PHIP: variants seen among roughly 807,000 people sequenced by gnomAD.
The protein encoded by PHIP is PH-interacting protein.
In PHIP, 54 loss-of-function variants were observed where a neutral mutation model predicts 236.8. That is an observed-to-expected ratio of 0.23 (90% CI 0.18 to 0.29). The LOEUF is 0.29. Ranked by LOEUF, PHIP falls within the 10% of genes least tolerant of loss-of-function variation. The pLI, the probability that PHIP is intolerant of heterozygous loss-of-function variation, is 1.00. For missense variants in PHIP, 1,370 were observed against 2,190.8 expected (o/e 0.63, Z 7.48); for synonymous variants, 756 against 718.9 (o/e 1.05, Z -0.83).
intron 10 of PHIP, 25 bp from the exon 11 acceptor site, chr6:79,017,608 A>T: frequency 6.6e-7 from 1 of 1,511,564 alleles, no homozygotes; most frequent in Non-Finnish European, 9.2e-7. Context: ...AGCAATTGTT[A>T]AGAAGTAAAA....
At position 78,963,238 on chromosome 6, in the gene PHIP, C is replaced by T. The variant is rs756993002; in HGVS notation, c.3394G>A (p.Glu1132Lys). ...GTTAAAGGAACACTGGTACCTAGTT[C>T]TTCAGGAAATACAGCTGAAATAGAA... ...LIPNNAVFPE[E>K]LGTSVPLTDG... is the part of the protein sequence containing the mutation. Residue 1132 changes from glutamate (E) to lysine (K), a missense_variant, in exon 30 of 40, where the codon GAA becomes AAA. Glu to Lys is a moderately conservative substitution (Grantham distance 56). Around this residue, in one of 14 missense-constraint regions of PHIP, gnomAD observed 238 missense variants for 398.5 expected, o/e 0.60. Transcript: ENST00000275034. 6.2e-7 allele frequency: 1 copy of T among 1,602,178 alleles called. No individual in the cohort carries two copies.
chr6:79,061,601 A>T (rs1439712098), intron 4 of PHIP, among the ~76,000 whole-genome samples: 2 of 152,152 alleles, frequency 1.3e-5, no homozygotes, highest in Non-Finnish European at 2.9e-5. Context: ...TTATTATAAA[A>T]ATGTTACTTA....
At position 79,025,464 on chromosome 6, in the gene PHIP, A is replaced by C. The variant is rs1034365443; in HGVS notation, c.923+55T>G. 55 of 1,026,388 alleles carry C rather than the reference A, an allele frequency of 5.4e-5. No homozygotes were observed. The Admixed American group carries it at 7.8e-4, about 15-fold the overall frequency. 63.6% of individuals were successfully genotyped at this position (1,026,388 alleles called of 1,614,324 possible). Reference sequence around the variant, plus strand: ...ATTGTCGACTACTTTATACTTTTGCAATTTCACTCATTAAACTAAACACAT... The same window carrying C: ...ATTGTCGACTACTTTATACTTTTGCCATTTCACTCATTAAACTAAACACAT... On this transcript the variant is annotated intron_variant, in intron 9 of 39. Coordinates refer to ENST00000275034, the MANE Select transcript of PHIP (RefSeq NM_017934.7).
intron 35 of PHIP, among the ~76,000 whole-genome samples, chr6:78,953,114 G>A (rs1026959298): frequency 6.6e-6 from 1 of 151,750 alleles, no homozygotes; most frequent in Non-Finnish European, 1.5e-5. Context: ...CTACACAAGG[G>A]TGGTGCAAAT....
rs113171731 is a variant in PHIP at position 79,060,963 on chromosome 6, A to G, written c.190-145T>C. 7.6e-4 allele frequency: 403 copies of G among 529,146 alleles called. 2 individuals are homozygous for G. The highest frequency in any genetic ancestry group is 6.9e-3 in the African/African-American group (352 of 51,066). 32.8% of individuals were successfully genotyped at this position (529,146 alleles called of 1,614,324 possible). A position where few individuals can be genotyped will look rare whatever the true frequency, so the allele number is the denominator to read the frequency against. ...AAAGTAAATCTCCAGAATAATTAAG[A>G]ATTAAGAACTGATAGTTTGTTATTA... On this transcript the variant is annotated intron_variant, in intron 4 of 39. Transcript: ENST00000275034.
intron 23 of PHIP, among the ~76,000 whole-genome samples, chr6:78,982,426 C>T (rs543124821): frequency 1.1e-4 from 17 of 152,172 alleles, no homozygotes; most frequent in African/African-American, 4.1e-4. Flanking sequence ...TCTTACCCCA[C>T]TTTATTCGCC....
intron 6 of PHIP, among the ~76,000 whole-genome samples, chr6:79,048,232 C>A (rs1772601527): frequency 6.6e-6 from 1 of 152,014 alleles, no homozygotes; most frequent in Non-Finnish European, 1.5e-5. Flanking sequence ...AAACTGACAT[C>A]TTTCTATCTA....
intron 6 of PHIP, among the ~76,000 whole-genome samples, chr6:79,055,209 T>C (rs562666667): frequency 6.6e-6 from 1 of 152,246 alleles, no homozygotes; most frequent in Non-Finnish European, 1.5e-5. Flanking sequence ...TTTGCTAACA[T>C]GTCAAATGTA....
intron 7 of PHIP, among the ~76,000 whole-genome samples, chr6:79,035,521 T>C (rs1771887491): frequency 6.6e-6 from 1 of 152,154 alleles, no homozygotes; most frequent in Non-Finnish European, 1.5e-5. Context: ...TAAAAGAAAT[T>C]ATGTGATTTT....
Position 79,015,905 on chromosome 6 carries a change from G to A in PHIP, c.1236-122C>T, listed in dbSNP as rs191987782. The A allele has an allele frequency of 4.2e-4, 266 of 629,244 alleles. No individual in the cohort carries two copies. The African/African-American group carries it at 4.6e-3, about 11-fold the overall frequency. 39.0% of individuals were successfully genotyped at this position (629,244 alleles called of 1,614,324 possible). On this transcript the variant is annotated intron_variant, in intron 13 of 39. Transcript: ENST00000275034. ...TAATAACTATCACTTAACAGTAACT[G>A]AGAAGTTTGAATCAACATGGAATGA...
At chr6:78,955,863 T>C in intron 32 of PHIP, 181 bp from the exon 33 acceptor site, 1 of 348,528 alleles carries the variant, frequency 2.9e-6, no homozygotes, top group East Asian at 4.4e-5. Flanking sequence ...CCACTCTATG[T>C]AGAGCTTTCA....
intron 7 of PHIP, among the ~76,000 whole-genome samples, chr6:79,038,020 C>CT (rs1772026738): frequency 6.6e-6 from 1 of 152,220 alleles, no homozygotes. Flanking sequence ...ACTATCATAT[C>CT]TTTTAATTGT....
intron 32 of PHIP, chr6:78,958,032 C>T (rs149846832): frequency 6.5e-6 from 1 of 154,386 alleles, no homozygotes; most frequent in South Asian, 2.0e-4. Context: ...ACCGTGCAAC[C>T]TTATACATGT....
chr6:78,963,594 G>A (rs1434422494), intron 29 of PHIP, among the ~76,000 whole-genome samples: 6 of 152,058 alleles, frequency 3.9e-5, no homozygotes, highest in Non-Finnish European at 7.4e-5. Flanking sequence ...CTTTGATAAA[G>A]TATACACAAG....
At chr6:79,012,154 T>C (rs1328266056) in intron 15 of PHIP, among the ~76,000 whole-genome samples, 1 of 151,566 alleles carries the variant, frequency 6.6e-6, no homozygotes, top group Non-Finnish European at 1.5e-5. Context: ...AAATACTAAA[T>C]TATATGTTAC....
At chr6:78,985,264 G>A (rs1297351737) in intron 22 of PHIP, 88 bp downstream of exon 22, 5 of 745,074 alleles carry the variant, frequency 6.7e-6, no homozygotes, top group Non-Finnish European at 1.2e-5. Flanking sequence ...AACTTACAGA[G>A]ACTTTGAAAC....
chr6:78,983,186 AAAAG>A (rs1170789815), intron 22 of PHIP, 69 bp from the exon 23 acceptor site: 13 of 786,500 alleles, frequency 1.7e-5, no homozygotes, highest in Non-Finnish European at 2.6e-5. Flanking sequence ...TATAAAAACG[AAAAG>A]AAAGATTATA....
Position 78,935,837 on chromosome 6 carries a change from G to C in PHIP, c.*4856C>G. On this transcript the variant is annotated 3_prime_UTR_variant, in exon 40 of 40. Transcript: ENST00000275034. ...ATGTGATGCCAAAAAACTTTAAAAA[G>C]CAAATAATAAATCATGAGGCTCTAC... 1.5e-6 allele frequency: 1 copy of C among 682,986 alleles called. No individual in the cohort carries two copies. Among genetic ancestry groups the C allele is most frequent in the Non-Finnish European group, 1.8e-6 (1 of 554,040 alleles). 42.3% of individuals were successfully genotyped at this position (682,986 alleles called of 1,614,324 possible). A position where few individuals can be genotyped will look rare whatever the true frequency, so the allele number is the denominator to read the frequency against.
At chr6:78,983,170 T>C (rs1768649386) in intron 22 of PHIP, 53 bp from the exon 23 acceptor site, 1 of 933,548 alleles carries the variant, frequency 1.1e-6, no homozygotes, top group Non-Finnish European at 1.6e-6. Context: ...ATTTTAAGAC[T>C]TGTTTTATAA....
Sources: gnomAD v4.1 joint callset for allele counts (sites outside exome capture counted in the v4.1 genomes callset) on GRCh38, gnomAD v4.1.1 for gene constraint, gnomAD v4.1.1 regional missense constraint, MANE v1.5 for transcripts, NCBI Gene and HGNC (gene_info 2026-07-23, HGNC 2026-07-21) for gene names.